CSPP1: variants seen among roughly 807,000 people sequenced by gnomAD.
The protein encoded by CSPP1 is centrosome and spindle pole-associated protein 1.
CSPP1 carries 126 observed loss-of-function variants against 164.4 expected under a neutral mutation model. That is an observed-to-expected ratio of 0.77 (90% CI 0.66 to 0.89). The LOEUF (loss-of-function observed/expected upper bound fraction) is 0.89, where lower values mean the gene tolerates loss of function less well. Ranked by LOEUF, CSPP1 falls within the 40% of genes least tolerant of loss-of-function variation. CSPP1 has a pLI of 0.00. For synonymous variants in CSPP1, 472 were observed against 476.7 expected, an observed-to-expected ratio of 0.99 and a Z score of 0.13; for missense variants, 1,395 against 1,449.8, an observed-to-expected ratio of 0.96 and a Z score of 0.61.
chr8:67,146,978 T>A (rs144215674), intron 17 of CSPP1, among the ~76,000 whole-genome samples: 2 of 152,364 alleles, frequency 1.3e-5, no homozygotes, highest in African/African-American at 4.8e-5. Flanking sequence ...GAGTGGCCAG[T>A]TGCCAAATCA....
At chr8:67,183,843 ATTTTTTTTTTTTTTT>A (rs918103972) in intron 28 of CSPP1, among the ~76,000 whole-genome samples, 3 of 108,214 alleles carry the variant, frequency 2.8e-5, no homozygotes, top group East Asian at 2.4e-4. Context: ...AAAATTGGGA[ATTTTTTTTTTTTTTT>A]TTTTTTTTTT....
In CSPP1 at chr8:67,159,061, A is replaced by C. The variant is rs1456024751; in HGVS notation, c.2462A>C (p.Lys821Thr). ...ERQKEAERKK[K>T]EEEEKYNLQL... ...CAAAAAGAAGCAGAAAGAAAGAAGA[A>C]AGAAGAAGAAGAAAAATATAACCTG... Residue 821 changes from lysine to threonine, a missense_variant, in exon 21 of 31, where the codon AAA becomes ACA. Physicochemically the swap from Lys to Thr is moderately conservative, Grantham distance 78. Coordinates refer to ENST00000678616, the MANE Select transcript of CSPP1 (RefSeq NM_001382391.1). The C allele has an allele frequency of 6.2e-7, 1 of 1,610,310 alleles. No homozygotes were observed. Among genetic ancestry groups the C allele is most frequent in the East Asian group, 2.2e-5 (1 of 44,794 alleles).
intron 28 of CSPP1, among the ~76,000 whole-genome samples, chr8:67,180,314 C>G (rs1227161437): frequency 6.6e-6 from 1 of 152,134 alleles, no homozygotes; most frequent in Non-Finnish European, 1.5e-5. Context: ...GGGAAATAGT[C>G]TGAGCAAAAA....
chr8:67,069,360 C>T (rs1337016241), intron 1 of CSPP1, among the ~76,000 whole-genome samples: 1 of 152,008 alleles, frequency 6.6e-6, no homozygotes, highest in African/African-American at 2.4e-5. Flanking sequence ...ATGGCATATG[C>T]TATATTTACT....
chr8:67,179,995 G>A, intron 28 of CSPP1, 69 bp downstream of exon 28: 1 of 822,890 alleles, frequency 1.2e-6, no homozygotes, highest in South Asian at 1.6e-5. Context: ...TTAAAAACCA[G>A]TACTGTATTC....
At chr8:67,182,650 C>CT (rs1586817688) in intron 28 of CSPP1, among the ~76,000 whole-genome samples, 1 of 152,172 alleles carries the variant, frequency 6.6e-6, no homozygotes, top group East Asian at 1.9e-4. Flanking sequence ...ACACTTGTTA[C>CT]TTTGTTTTTT....
Position 67,124,172 on chromosome 8 carries a change from T to G in CSPP1, c.1697+5351T>G, listed in dbSNP as rs528750669. ...CCTTGGCCTCCCAAAGTGCTGGGAT[T>G]ACAGGCATGAGCCACCGCACCCGGC... On this transcript the variant is annotated intron_variant, in intron 15 of 30. Transcript: ENST00000678616. 7.3e-3 allele frequency among the ~76,000 whole-genome samples: 1,105 copies of G among 152,354 alleles called. 11 individuals carry two copies. Among genetic ancestry groups the G allele is most frequent in the African/African-American group, 0.026 (1,064 of 41,590 alleles).
intron 28 of CSPP1, among the ~76,000 whole-genome samples, chr8:67,182,089 C>G (rs998743949): frequency 2.0e-5 from 3 of 152,114 alleles, no homozygotes; most frequent in Non-Finnish European, 4.4e-5. Context: ...GCAGCCTTGA[C>G]CTCCCTGTGC....
intron 15 of CSPP1, 140 bp downstream of exon 15, chr8:67,118,961 A>G: frequency 1.6e-6 from 1 of 632,502 alleles, no homozygotes; most frequent in East Asian, 2.8e-5. Context: ...AACCATCACC[A>G]CAATCCATCT....
chr8:67,126,141 C>A (rs1042711069), intron 15 of CSPP1, among the ~76,000 whole-genome samples: 1 of 152,208 alleles, frequency 6.6e-6, no homozygotes, highest in East Asian at 1.9e-4. Context: ...CACTTTATTT[C>A]TTTAGATACA....
intron 22 of CSPP1, among the ~76,000 whole-genome samples, 173 bp downstream of exon 22, chr8:67,162,088 G>T (rs1370609973): frequency 6.6e-6 from 1 of 152,130 alleles, no homozygotes; most frequent in East Asian, 1.9e-4. Context: ...ATAGTGCTTG[G>T]TGCCCTAAAG....
chr8:67,069,728 G>A (rs1011861089), intron 1 of CSPP1, among the ~76,000 whole-genome samples: 12 of 147,788 alleles, frequency 8.1e-5, no homozygotes, highest in African/African-American at 2.3e-4. Context: ...GCATGATCTC[G>A]GCTCACTGCA....
chr8:67,080,297 T>C (rs1048435052), intron 3 of CSPP1, among the ~76,000 whole-genome samples: 2 of 152,242 alleles, frequency 1.3e-5, no homozygotes, highest in African/African-American at 2.4e-5. Context: ...ATCAGTGATA[T>C]ATAAACTGGA....
chr8:67,112,196 T>C (rs1816991601), intron 10 of CSPP1, 131 bp downstream of exon 10: 2 of 459,876 alleles, frequency 4.3e-6, no homozygotes, highest in Non-Finnish European at 7.8e-6. Flanking sequence ...TTTTCATCTC[T>C]ACATGCTAAA....
intron 9 of CSPP1, among the ~76,000 whole-genome samples, chr8:67,110,500 C>T (rs756884127): frequency 2.7e-4 from 41 of 152,062 alleles, no homozygotes; most frequent in Non-Finnish European, 4.6e-4. Flanking sequence ...AGTTTGTTGC[C>T]AGGCCAAATG....
At chr8:67,122,896 T>TTTG (rs1819256517) in intron 15 of CSPP1, among the ~76,000 whole-genome samples, 1 of 142,328 alleles carries the variant, frequency 7.0e-6, no homozygotes, top group African/African-American at 2.5e-5. Context: ...GTGTGTGTGT[T>TTTG]TGTGTGTGTG....
chr8:67,095,999 T>G (rs1213061806), intron 7 of CSPP1, among the ~76,000 whole-genome samples: 1 of 152,162 alleles, frequency 6.6e-6, no homozygotes, highest in East Asian at 1.9e-4. Flanking sequence ...TTGGAAGTAG[T>G]CATTCCCACA....
chr8:67,173,746 T>C (rs1050568659), intron 25 of CSPP1: 1 of 152,302 alleles, frequency 6.6e-6, no homozygotes, highest in Non-Finnish European at 1.5e-5. Flanking sequence ...ACGTATACTG[T>C]TATTTTTTAT....
At position 67,137,618 on chromosome 8, in the gene CSPP1, C is replaced by A. The variant is rs760203122; in HGVS notation, c.1975+15C>A. Reference sequence around the variant, plus strand: ...AAATCTGATAAGTACGTTATTTCTACTGACTTGTTTTTAAAATAAGCTAAA... The same window carrying A: ...AAATCTGATAAGTACGTTATTTCTAATGACTTGTTTTTAAAATAAGCTAAA... On this transcript the variant is annotated intron_variant, in intron 17 of 30. Coordinates refer to ENST00000678616, the MANE Select transcript of CSPP1 (RefSeq NM_001382391.1). The A allele has an allele frequency of 1.3e-6, 2 of 1,482,596 alleles. No individual in the cohort carries two copies. Among genetic ancestry groups the A allele is most frequent in the Non-Finnish European group, 1.8e-6 (2 of 1,113,764 alleles). 91.8% of individuals were successfully genotyped at this position (1,482,596 alleles called of 1,614,324 possible). A position where few individuals can be genotyped will look rare whatever the true frequency, so the allele number is the denominator to read the frequency against.
Sources: gnomAD v4.1 joint callset for allele counts (sites outside exome capture counted in the v4.1 genomes callset) on GRCh38, gnomAD v4.1.1 for gene constraint, MANE v1.5 for transcripts, NCBI Gene and HGNC (gene_info 2026-07-23, HGNC 2026-07-21) for gene names.